Variants in ANKS3 observed in about 807,000 individuals in gnomAD.
ANKS3 encodes the protein ankyrin repeat and SAM domain-containing protein 3.
ANKS3 carries 62 observed loss-of-function variants against 80.7 expected under a neutral mutation model. The ratio of observed to expected loss-of-function variants is 0.77; its 90% CI spans 0.63 to 0.95. The LOEUF (loss-of-function observed/expected upper bound fraction) is 0.95. ANKS3 is among the 40% of genes least tolerant of loss of function. ANKS3 has a pLI of 0.00. For missense variants in ANKS3, 1,150 were observed against 883.6 expected (o/e 1.30, Z -3.82); for synonymous variants, 489 against 355.3 (o/e 1.38, Z -4.23).
In ANKS3 at chr16:4,698,876, G is replaced by T; in HGVS notation, c.1475C>A (p.Pro492His). The T allele has an allele frequency of 1.9e-6, 3 of 1,601,620 alleles. No homozygotes were observed. Among genetic ancestry groups the T allele is most frequent in the Non-Finnish European group, 1.7e-6 (2 of 1,173,540 alleles). The change falls in exon 13 of 18, where the codon CCC (proline) becomes CAC (histidine). Residue 492 changes from proline (P) to histidine (H), a missense_variant. Coordinates refer to ENST00000304283, the MANE Select transcript of ANKS3 (RefSeq NM_133450.4). ...IARWHSSARP[P>H]GDALELAYAD... The stretch of plus-strand genomic sequence containing the variant: ...GTAGGCCAGCTCCAGGGCATCCCCG[G>T]GTGGGCGGGCACTGCTGTGCCAGCG...
chr16:4,723,243 C>T (rs1252632799), intron 6 of ANKS3, among the ~76,000 whole-genome samples: 1 of 152,228 alleles, frequency 6.6e-6, no homozygotes, highest in African/African-American at 2.4e-5. Flanking sequence ...AGTTGTTCAA[C>T]CATCACCACA....
chr16:4,719,888 G>C (rs912443666), intron 6 of ANKS3, among the ~76,000 whole-genome samples: 2 of 152,106 alleles, frequency 1.3e-5, no homozygotes, highest in East Asian at 3.8e-4. Context: ...TCCTGGCCAG[G>C]CACAGTGGCT....
chr16:4,704,841 A>C (rs975124984), intron 8 of ANKS3, among the ~76,000 whole-genome samples: 3 of 152,234 alleles, frequency 2.0e-5, no homozygotes, highest in African/African-American at 7.2e-5. Context: ...AGAAAGTTCT[A>C]TTCCTAAATT....
chr16:4,721,384 G>A (rs140441063), intron 6 of ANKS3, among the ~76,000 whole-genome samples: 2,967 of 150,898 alleles, frequency 0.02, 132 homozygotes, highest in Non-Finnish European at 0.031. Flanking sequence ...CGAGGCAGGC[G>A]AACTGCCTGA....
chr16:4,705,690 A>T (rs2080151154), intron 7 of ANKS3, among the ~76,000 whole-genome samples: 2 of 151,262 alleles, frequency 1.3e-5, no homozygotes, highest in African/African-American at 2.4e-5. Flanking sequence ...GGCTGGTCTC[A>T]AACTCCTGAT....
At chr16:4,706,497 A>T (rs1295968580) in intron 7 of ANKS3, among the ~76,000 whole-genome samples, 1 of 152,218 alleles carries the variant, frequency 6.6e-6, no homozygotes, top group Admixed American at 6.5e-5. Flanking sequence ...GGCCTCCCAC[A>T]AAGTGCTGGC....
At chr16:4,723,589 A>T (rs2081210802) in intron 6 of ANKS3, among the ~76,000 whole-genome samples, 1 of 152,218 alleles carries the variant, frequency 6.6e-6, no homozygotes, top group Non-Finnish European at 1.5e-5. Context: ...CACCCAGCCC[A>T]GCCTAACGCA....
At chr16:4,718,167 A>C (rs1596412247) in intron 6 of ANKS3, among the ~76,000 whole-genome samples, 2 of 144,586 alleles carry the variant, frequency 1.4e-5, no homozygotes, top group South Asian at 2.2e-4. Context: ...CGATCTTCCC[A>C]CTTTGGCCTC....
chr16:4,705,640 TTTC>T (rs2142051645), intron 7 of ANKS3, among the ~76,000 whole-genome samples: 1 of 152,218 alleles, frequency 6.6e-6, no homozygotes, highest in South Asian at 2.1e-4. Context: ...TTTTTTTTCT[TTTC>T]TTTTTCAGTA....
At chr16:4,733,912 C>A (rs2081806960) in intron 1 of ANKS3, 26 bp downstream of exon 1, 1 of 985,474 alleles carries the variant, frequency 1.0e-6, no homozygotes, top group African/African-American at 1.7e-5. Flanking sequence ...CGGGGCGGGT[C>A]CCTGGCCGAC....
intron 6 of ANKS3, among the ~76,000 whole-genome samples, chr16:4,719,934 C>T (rs992320281): frequency 2.0e-5 from 3 of 151,304 alleles, no homozygotes; most frequent in Non-Finnish European, 4.4e-5. Flanking sequence ...GAGGCTGAGG[C>T]AGACAGATCA....
chr16:4,698,365 G>T (rs1023970784), intron 14 of ANKS3, 62 bp downstream of exon 14: 3 of 1,433,194 alleles, frequency 2.1e-6, no homozygotes, highest in Middle Eastern at 4.1e-4. Context: ...GATGTGTGGG[G>T]GCCCAGGGGC....
Position 4,731,578 on chromosome 16 carries a change from G to C in ANKS3, c.-69C>G. 1.1e-6 allele frequency: 1 copy of C among 915,166 alleles called. No homozygotes were observed. The highest frequency in any genetic ancestry group is 1.2e-4 in the East Asian group (1 of 8,476). The allele number at this position is 915,166 out of a possible 1,614,324, so 56.7% of individuals were successfully genotyped here. Reference sequence around the variant, plus strand: ...ATATAGGCGTGAGCCACTGCACCTGGCCTGTAAATTTTAAATATAAATTAA... The same window carrying C: ...ATATAGGCGTGAGCCACTGCACCTGCCCTGTAAATTTTAAATATAAATTAA... On this transcript the variant is annotated splice_region_variant and 5_prime_UTR_variant, in exon 2 of 18. Coordinates refer to ENST00000304283, the MANE Select transcript of ANKS3 (RefSeq NM_133450.4).
chr16:4,705,182 T>G lies in ANKS3; in HGVS notation c.781A>C (p.Lys261Gln). 6.2e-7 allele frequency: 1 copy of G among 1,613,870 alleles called. No individual in the cohort carries two copies. Among genetic ancestry groups the G allele is most frequent in the Non-Finnish European group, 8.5e-7 (1 of 1,180,016 alleles). Residue 261 changes from lysine to glutamine, a missense_variant, in exon 8 of 18, where the codon AAG (lysine) becomes CAG (glutamine). Physicochemically the swap from Lys to Gln is moderately conservative, Grantham distance 53. Coordinates refer to ENST00000304283, the MANE Select transcript of ANKS3 (RefSeq NM_133450.4). ...APQRQRPCRKKGVSIHEGPRA... is the reference protein window; with the variant it reads ...APQRQRPCRKQGVSIHEGPRA... ...GGTCCCTCGTGGATGCTGACACCCT[T>G]CTTCCGGCAAGGCCTCTGTCTCTGA...
intron 3 of ANKS3, among the ~76,000 whole-genome samples, chr16:4,728,312 T>C (rs1463328461): frequency 1.3e-5 from 2 of 152,138 alleles, no homozygotes; most frequent in Non-Finnish European, 2.9e-5. Flanking sequence ...CCCAAAGTGC[T>C]GGATTACAGG....
rs138241810 is a variant in ANKS3, at chr16:4,734,106, C to G, written c.-239G>C. On this transcript the variant is annotated 5_prime_UTR_variant, in exon 1 of 18. Transcript: ENST00000304283. ...GGGACGCCCGAGCGCCGGGTCTAGG[C>G]GGGCTGCAGGTGCCGGCAAGTGCTG... The G allele has an allele frequency of 1.7e-3, 1,474 of 886,398 alleles. 22 individuals are homozygous for G. The African/African-American group carries it at 0.025, about 15-fold the overall frequency. 54.9% of individuals were successfully genotyped at this position (886,398 alleles called of 1,614,324 possible).
At chr16:4,711,754 T>C (rs150218132) in intron 7 of ANKS3, among the ~76,000 whole-genome samples, 92 of 150,406 alleles carry the variant, frequency 6.1e-4, no homozygotes, top group African/African-American at 2.0e-3. Context: ...AAATATTATC[T>C]TGTAGACCTC....
chr16:4,733,204 A>C (rs1299235364), intron 1 of ANKS3, among the ~76,000 whole-genome samples: 1 of 141,416 alleles, frequency 7.1e-6, no homozygotes, highest in African/African-American at 2.8e-5. Flanking sequence ...CTCCGTCTCA[A>C]AAAAAAAAAA....
At chr16:4,703,852 G>C (rs1169953165) in intron 8 of ANKS3, among the ~76,000 whole-genome samples, 3 of 149,278 alleles carry the variant, frequency 2.0e-5, no homozygotes, top group African/African-American at 4.9e-5. Context: ...TACATACAAA[G>C]AACCGCACAC....
Sources: allele counts gnomAD v4.1 joint callset (sites outside exome capture counted in the v4.1 genomes callset), GRCh38; gene constraint gnomAD v4.1.1; transcripts MANE v1.5; gene names NCBI Gene and HGNC (gene_info 2026-07-23, HGNC 2026-07-21).